CSMD1: variants seen among roughly 807,000 people sequenced by gnomAD.
The protein encoded by CSMD1 is CUB and Sushi multiple domains 1.
A neutral mutation model predicts 417.5 loss-of-function variants in CSMD1; 213 were observed. That is an observed-to-expected ratio of 0.51 (90% CI 0.46 to 0.57). CSMD1 has a LOEUF of 0.57. CSMD1 is among the 20% of genes least tolerant of loss of function. CSMD1 has a pLI of 0.00. For synonymous variants in CSMD1, 2,862 were observed against 1,736.8 expected (o/e 1.65, Z -16.11); for missense variants, 6,923 against 4,529.7 (o/e 1.53, Z -15.17).
Position 2,942,577 on chromosome 8 carries a change from G to A in CSMD1, c.10430C>T (p.Ser3477Phe), listed in dbSNP as rs1237976652. 6.3e-7 allele frequency: 1 copy of A among 1,599,370 alleles called. No homozygotes were observed. The highest frequency in any genetic ancestry group is 8.5e-7 in the Non-Finnish European group (1 of 1,172,160). ...QDPLNPDQDS[S>F]SHYHGTSSGS... is the part of the protein sequence containing the mutation. ...ACTGCTGGTGCCGTGGTAATGACTG[G>A]AAGAGTCTTGATCTGGGTTTAAAGG... Residue 3477 changes from serine to phenylalanine, a missense_variant, in exon 69 of 70, where the codon TCC (serine) becomes TTC (phenylalanine). Transcript: ENST00000635120.
chr8:3,640,972 C>A (rs1014397099), intron 7 of CSMD1, among the ~76,000 whole-genome samples: 1 of 147,346 alleles, frequency 6.8e-6, no homozygotes, highest in Non-Finnish European at 1.5e-5. Flanking sequence ...GTTAAATAAG[C>A]TTTAGAAAAT....
At chr8:4,841,930 A>AAAAAAAAAAAAAAAAAAAAAAAAAAC (rs1192383183) in intron 1 of CSMD1, among the ~76,000 whole-genome samples, 2 of 122,424 alleles carry the variant, frequency 1.6e-5, no homozygotes, top group African/African-American at 6.7e-5. Context: ...AAAAAAAAAA[A>AAAAAAAAAAAAAAAAAAAAAAAAAAC]AAAAAAAAGT....
At chr8:4,004,420 CTTT>C (rs5889009) in intron 4 of CSMD1, among the ~76,000 whole-genome samples, 16,015 of 139,378 alleles carry the variant, frequency 0.11, 980 homozygotes, top group East Asian at 0.21. Flanking sequence ...TGCCATGAAT[CTTT>C]TTTTTTTTTT....
At chr8:3,735,038 AATAGGTGATATGAATGTGG>A (rs2129048707) in intron 6 of CSMD1, among the ~76,000 whole-genome samples, 1 of 152,330 alleles carries the variant, frequency 6.6e-6, no homozygotes, top group South Asian at 2.1e-4. Context: ...TGTAAAACAA[AATAGGTGATATGAATGTGG>A]ACATGGGAGG....
intron 1 of CSMD1, among the ~76,000 whole-genome samples, chr8:4,816,293 T>C (rs1002875563): frequency 8.5e-5 from 13 of 152,098 alleles, no homozygotes; most frequent in African/African-American, 2.7e-4. Flanking sequence ...CAAGGGATTC[T>C]CCTGCCTCAG....
At chr8:3,769,596 A>G (rs756844972) in intron 5 of CSMD1, among the ~76,000 whole-genome samples, 1 of 152,112 alleles carries the variant, frequency 6.6e-6, no homozygotes, top group Non-Finnish European at 1.5e-5. Flanking sequence ...CAGATATAAA[A>G]GTGAAGTATC....
chr8:3,162,614 T>C (rs1426725070), intron 37 of CSMD1, among the ~76,000 whole-genome samples: 2 of 152,100 alleles, frequency 1.3e-5, no homozygotes, highest in Admixed American at 6.5e-5. Context: ...TTTTATGATA[T>C]GTAAAACTCC....
intron 1 of CSMD1, among the ~76,000 whole-genome samples, chr8:4,796,494 G>A (rs149856005): frequency 1.9e-3 from 294 of 151,956 alleles, no homozygotes; most frequent in African/African-American, 6.6e-3. Context: ...TTTTACCACC[G>A]AGAATGGTCT....
chr8:3,551,137 T>C (rs1266515207), intron 10 of CSMD1, among the ~76,000 whole-genome samples: 1 of 152,200 alleles, frequency 6.6e-6, no homozygotes, highest in Non-Finnish European at 1.5e-5. Flanking sequence ...AGTTTTCTTA[T>C]CTTTAAAAAG....
chr8:4,191,306 G>C (rs374408580), intron 3 of CSMD1, among the ~76,000 whole-genome samples: 1 of 152,110 alleles, frequency 6.6e-6, no homozygotes, highest in Admixed American at 6.5e-5. Context: ...TGAGGCAGGA[G>C]AATGGCGTGA....
intron 6 of CSMD1, among the ~76,000 whole-genome samples, chr8:3,744,926 C>A (rs2129051435): frequency 6.6e-6 from 1 of 152,270 alleles, no homozygotes; most frequent in African/African-American, 2.4e-5. Flanking sequence ...CTGAAGCAGA[C>A]TGAGGTTTCT....
intron 5 of CSMD1, among the ~76,000 whole-genome samples, chr8:3,982,478 C>T (rs963555450): frequency 6.6e-6 from 1 of 151,994 alleles, no homozygotes; most frequent in African/African-American, 2.4e-5. Flanking sequence ...TTAGTATATA[C>T]TCCATAAGGA....
At chr8:4,337,147 C>G (rs952972601) in intron 3 of CSMD1, among the ~76,000 whole-genome samples, 1 of 152,104 alleles carries the variant, frequency 6.6e-6, no homozygotes, top group African/African-American at 2.4e-5. Context: ...CTGCCCCCAC[C>G]TTCATTACTA....
At chr8:4,775,909 T>G (rs561335607) in intron 1 of CSMD1, among the ~76,000 whole-genome samples, 1 of 152,172 alleles carries the variant, frequency 6.6e-6, no homozygotes, top group African/African-American at 2.4e-5. Flanking sequence ...AGTTAGGGAG[T>G]GGCACGCCGC....
intron 3 of CSMD1, among the ~76,000 whole-genome samples, chr8:4,409,642 C>CTTTTT (rs61368925): frequency 7.0e-6 from 1 of 141,850 alleles, no homozygotes; most frequent in African/African-American, 2.6e-5. Flanking sequence ...GACTTTTTTT[C>CTTTTT]TTTTTTTTTT....
In CSMD1 at chr8:3,539,556, G is replaced by C. The variant is rs150917381; in HGVS notation, c.1344+35389C>G. Among the ~76,000 whole-genome samples, 211 of 152,164 alleles carry C rather than the reference G, an allele frequency of 1.4e-3. 2 individuals are homozygous for C. Among genetic ancestry groups the C allele is most frequent in the African/African-American group, 5.0e-3 (209 of 41,506 alleles). ...TCATTTTAAACGTGCAAGGAAAAGCGTGATTCAGAAGTTGTAACACTTCGC... is the reference window on the plus strand; with the variant it reads ...TCATTTTAAACGTGCAAGGAAAAGCCTGATTCAGAAGTTGTAACACTTCGC... On this transcript the variant is annotated intron_variant, in intron 10 of 69. Coordinates refer to ENST00000635120, the MANE Select transcript of CSMD1 (RefSeq NM_033225.6).
intron 4 of CSMD1, among the ~76,000 whole-genome samples, chr8:4,009,651 T>A (rs1477369310): frequency 8.5e-5 from 13 of 152,142 alleles, no homozygotes; most frequent in Admixed American, 7.9e-4. Context: ...CCCACATATG[T>A]AATATAATAG....
chr8:3,676,747 T>G (rs552639077), intron 7 of CSMD1, among the ~76,000 whole-genome samples: 1 of 152,096 alleles, frequency 6.6e-6, no homozygotes, highest in Admixed American at 6.6e-5. Flanking sequence ...ATAATAAACA[T>G]AGCAAACACT....
intron 5 of CSMD1, among the ~76,000 whole-genome samples, chr8:3,916,494 A>T (rs1366329137): frequency 2.0e-5 from 3 of 152,208 alleles, no homozygotes; most frequent in African/African-American, 7.2e-5. Context: ...AATTTCTGAT[A>T]AATGGGAATT....
Sources: gnomAD v4.1 joint callset for allele counts (sites outside exome capture counted in the v4.1 genomes callset) on GRCh38, gnomAD v4.1.1 for gene constraint, MANE v1.5 for transcripts, NCBI Gene and HGNC (gene_info 2026-07-23, HGNC 2026-07-21) for gene names.